ZDHHC5: variants seen among roughly 807,000 people sequenced by gnomAD.
ZDHHC5 encodes the protein palmitoyltransferase ZDHHC5.
In ZDHHC5, 22 loss-of-function variants were observed where a neutral mutation model predicts 70.0. The observed-to-expected ratio is 0.31, with a 90% CI of 0.22 to 0.45. The LOEUF (loss-of-function observed/expected upper bound fraction) is 0.45. Among genes scored for constraint, ZDHHC5 ranks in the 20% least tolerant of loss-of-function variants. The pLI is 1.00. For synonymous variants in ZDHHC5, 313 were observed against 347.8 expected (o/e 0.90, Z 1.11); for missense variants, 746 against 926.9 (o/e 0.80, Z 2.53).
At position 57,700,692 on chromosome 11, in the gene ZDHHC5, T is replaced by TG. The variant is rs1946432010; in HGVS notation, c.*663dup. The stretch of plus-strand genomic sequence containing the variant: ...ATTTTGGTCACAAGAGGGAAGGACT[T>TG]GGAGAGGAGAATTAGTTTTCTAGGC... On this transcript the variant is annotated 3_prime_UTR_variant, in exon 12 of 12. Transcript: ENST00000287169. The TG allele has an allele frequency of 6.6e-6, 1 of 152,476 alleles. No homozygotes were observed. The allele number at this position is 152,476 out of a possible 1,614,324, so 9.4% of individuals were successfully genotyped here.
intron 4 of ZDHHC5, among the ~76,000 whole-genome samples, chr11:57,689,119 A>AT (rs1435914911): frequency 2.0e-5 from 3 of 152,006 alleles, no homozygotes; most frequent in Admixed American, 2.0e-4. Flanking sequence ...CTGGCTTTGC[A>AT]TTTTCTCTTC....
intron 1 of ZDHHC5, among the ~76,000 whole-genome samples, chr11:57,669,366 C>T (rs1021289750): frequency 6.6e-6 from 1 of 152,226 alleles, no homozygotes; most frequent in African/African-American, 2.4e-5. Flanking sequence ...CTTATTAAAG[C>T]CTTCAAACCA....
chr11:57,682,921 C>G (rs1346713671), intron 3 of ZDHHC5, among the ~76,000 whole-genome samples: 6 of 152,146 alleles, frequency 3.9e-5, no homozygotes, highest in African/African-American at 7.2e-5. Flanking sequence ...CAGTGTGATG[C>G]AGACTATAAT....
At chr11:57,695,078 C>A (rs373807789) in intron 8 of ZDHHC5, among the ~76,000 whole-genome samples, 1 of 152,248 alleles carries the variant, frequency 6.6e-6, no homozygotes, top group South Asian at 2.1e-4. Context: ...GCCTGACCAA[C>A]ATGGAGACAC....
rs1342257623 is a variant in ZDHHC5 at position 57,699,754 on chromosome 11, G to A, written c.1983-112G>A. On this transcript the variant is annotated intron_variant, in intron 11 of 11. Transcript: ENST00000287169. ...TAAAGGGGAATGTTTGGGTAAGAAA[G>A]TATGGATATAGAAAAGAACATCATT... is the stretch of plus-strand genomic sequence containing the variant. 40 of 1,376,874 alleles carry A rather than the reference G, an allele frequency of 2.9e-5. No homozygotes were observed. The Admixed American group carries it at 7.5e-4, about 26-fold the overall frequency. The allele number at this position is 1,376,874 out of a possible 1,614,324, so 85.3% of individuals were successfully genotyped here. A position where few individuals can be genotyped will look rare whatever the true frequency, so the allele number is the denominator to read the frequency against.
chr11:57,675,859 C>G (rs1429635622), intron 2 of ZDHHC5, among the ~76,000 whole-genome samples: 1 of 152,166 alleles, frequency 6.6e-6, no homozygotes, highest in Non-Finnish European at 1.5e-5. Context: ...CCTGGAGAAT[C>G]CCCTGTTTAA....
chr11:57,691,155 T>G (rs1274078526), intron 6 of ZDHHC5, among the ~76,000 whole-genome samples: 4 of 152,206 alleles, frequency 2.6e-5, no homozygotes, highest in Non-Finnish European at 5.9e-5. Flanking sequence ...CACTGCAACC[T>G]CTGCCTCCTG....
At position 57,698,589 on chromosome 11, in the gene ZDHHC5, A is replaced by G. The variant is rs778571304; in HGVS notation, c.1153A>G (p.Thr385Ala). ...TCGTGGGGACAGCTTGAAGGAGCCA[A>G]CCTCAATTGCAGAGAGCAGCCGTCA... is the stretch of plus-strand genomic sequence containing the variant. Reference protein sequence around the residue: ...LSRGDSLKEPTSIAESSRHPS... With the variant: ...LSRGDSLKEPASIAESSRHPS... The change falls in exon 11 of 12, where the codon ACC (threonine) becomes GCC (alanine). Residue 385 changes from threonine to alanine, a missense_variant. By Grantham distance (58) the Thr-to-Ala change is moderately conservative. Around this residue, in one of 6 missense-constraint regions of ZDHHC5, gnomAD observed 179 missense variants for 178.4 expected, o/e 1.00. Transcript: ENST00000287169. 2 of 1,611,960 alleles carry G rather than the reference A, an allele frequency of 1.2e-6. No individual in the cohort carries two copies. The highest frequency in any genetic ancestry group is 1.7e-5 in the Admixed American group (1 of 59,790).
At position 57,699,199 on chromosome 11, in the gene ZDHHC5, A is replaced by G. The variant is rs770961542; in HGVS notation, c.1763A>G (p.Asp588Gly). The change falls in exon 11 of 12, where the codon GAT (aspartate) becomes GGT (glycine). Residue 588 changes from aspartate (D) to glycine (G), a missense_variant. Physicochemically the swap from Asp to Gly is moderately conservative, Grantham distance 94. Transcript: ENST00000287169. ...GHAPRTSSSS[D>G]DSKRSPLGKT... ...GCCCCTCGTACTAGTTCCTCCTCAG[A>G]TGATTCAAAGAGATCACCTTTGGGC... The G allele has an allele frequency of 2.5e-5, 41 of 1,614,138 alleles. No homozygotes were observed. The highest frequency in any genetic ancestry group is 3.2e-5 in the Non-Finnish European group (38 of 1,180,062).
At chr11:57,689,438 C>A (rs1050211312) in intron 4 of ZDHHC5, among the ~76,000 whole-genome samples, 5 of 151,862 alleles carry the variant, frequency 3.3e-5, no homozygotes, top group Non-Finnish European at 7.4e-5. Context: ...AGTGCAATGG[C>A]GCAATCTCGG....
chr11:57,690,117 A>G lies in ZDHHC5; in HGVS notation c.471A>G (p.Thr157=), dbSNP rs763542561. 1 of 1,613,988 alleles carries G rather than the reference A, an allele frequency of 6.2e-7. No homozygotes were observed. The highest frequency in any genetic ancestry group is 1.7e-5 in the Admixed American group (1 of 59,974). The change falls in exon 5 of 12, where the codon ACA becomes ACG. Residue 157 remains threonine (T), a synonymous_variant. Transcript: ENST00000287169. ...TTTTCCTTTTCCTCCTTTCCCTGAC[A>G]GCCCACATTATGGGTGTGTTTGGCT... ...RYFFLFLLSL[T]AHIMGVFGFG...
Position 57,673,068 on chromosome 11 carries a change from A to G in ZDHHC5, c.-23A>G. ...GTGGGCCTGGGCTATGCGGCAGGGCAGATTTCCCATCAGAGCTCCAACATG... is the reference window on the plus strand; with the variant it reads ...GTGGGCCTGGGCTATGCGGCAGGGCGGATTTCCCATCAGAGCTCCAACATG... On this transcript the variant is annotated 5_prime_UTR_variant, in exon 2 of 12. Coordinates refer to ENST00000287169, the MANE Select transcript of ZDHHC5 (RefSeq NM_015457.3). 1 of 1,612,606 alleles carries G rather than the reference A, an allele frequency of 6.2e-7. No homozygotes were observed. Among genetic ancestry groups the G allele is most frequent in the South Asian group, 1.1e-5 (1 of 91,044 alleles).
chr11:57,690,274 C>T, intron 5 of ZDHHC5, 61 bp from the exon 6 acceptor site: 1 of 1,613,338 alleles, frequency 6.2e-7, no homozygotes, highest in Non-Finnish European at 8.5e-7. Context: ...AAAATGGCTG[C>T]AGTAGGGGCC....
chr11:57,680,607 C>T (rs1946137733), intron 2 of ZDHHC5, among the ~76,000 whole-genome samples: 1 of 152,172 alleles, frequency 6.6e-6, no homozygotes, highest in African/African-American at 2.4e-5. Flanking sequence ...TAATTATCTT[C>T]CCAGGCTGTA....
chr11:57,690,018 T>A lies in ZDHHC5; in HGVS notation c.385-13T>A. On this transcript the variant is annotated splice_polypyrimidine_tract_variant and intron_variant, in intron 4 of 11. Coordinates refer to ENST00000287169, the MANE Select transcript of ZDHHC5 (RefSeq NM_015457.3). ...TCCAGGGATGCCTCTCATCTGTCTC[T>A]CTTTGTCCCTAGGAATTTGATCATC... is the stretch of plus-strand genomic sequence containing the variant. 2 of 1,613,890 alleles carry A rather than the reference T, an allele frequency of 1.2e-6. No homozygotes were observed. The highest frequency in any genetic ancestry group is 2.2e-5 in the South Asian group (2 of 91,044).
At chr11:57,678,570 C>CAAAA (rs34342337) in intron 2 of ZDHHC5, among the ~76,000 whole-genome samples, 1 of 101,460 alleles carries the variant, frequency 9.9e-6, no homozygotes. Context: ...AACTCTGTCT[C>CAAAA]AAAAAAAAAA....
chr11:57,685,322 G>A (rs1239093639), intron 3 of ZDHHC5, among the ~76,000 whole-genome samples: 1 of 152,144 alleles, frequency 6.6e-6, no homozygotes, highest in Non-Finnish European at 1.5e-5. Flanking sequence ...GATGTATTAT[G>A]GAAGGCACTA....
At chr11:57,682,300 C>T in intron 2 of ZDHHC5, 122 bp from the exon 3 acceptor site, 1 of 1,341,876 alleles carries the variant, frequency 7.5e-7, no homozygotes, top group Non-Finnish European at 9.9e-7. Context: ...TTTGGGATGG[C>T]AAAGGTAAAC....
intron 3 of ZDHHC5, among the ~76,000 whole-genome samples, chr11:57,683,787 G>A (rs1037250542): frequency 2.6e-5 from 4 of 152,060 alleles, no homozygotes; most frequent in Non-Finnish European, 5.9e-5. Context: ...TTTTTGTAAC[G>A]ATCAGAGGAG....
Sources: gnomAD v4.1 joint callset for allele counts (sites outside exome capture counted in the v4.1 genomes callset) on GRCh38, gnomAD v4.1.1 for gene constraint, gnomAD v4.1.1 regional missense constraint, MANE v1.5 for transcripts, NCBI Gene and HGNC (gene_info 2026-07-23, HGNC 2026-07-21) for gene names.